The following NCAM2 variants were observed in gnomAD, a reference collection of about 807,000 sequenced individuals.
NCAM2 encodes neural cell adhesion molecule 2.
NCAM2 carries 30 observed loss-of-function variants against 98.1 expected under a neutral mutation model. That is an observed-to-expected ratio of 0.31 (90% CI 0.23 to 0.41). The LOEUF (loss-of-function observed/expected upper bound fraction) is 0.41, where lower values mean the gene tolerates loss of function less well. Ranked by LOEUF, NCAM2 falls within the 10% of genes least tolerant of loss-of-function variation. The pLI is 1.00. For missense variants in NCAM2, 867 were observed against 1,005.8 expected (o/e 0.86, Z 1.87); for synonymous variants, 368 against 342.4 (o/e 1.07, Z -0.83).
At chr21:21,501,445 A>T (rs771985184) in intron 15 of NCAM2, among the ~76,000 whole-genome samples, 8 of 151,996 alleles carry the variant, frequency 5.3e-5, no homozygotes, top group Non-Finnish European at 8.8e-5. Flanking sequence ...AAATTATATA[A>T]GGGAATTTAT....
chr21:21,174,288 G>A (rs928881652), intron 1 of NCAM2, among the ~76,000 whole-genome samples: 2 of 152,082 alleles, frequency 1.3e-5, no homozygotes, highest in African/African-American at 4.8e-5. Context: ...TGTGATAGGA[G>A]TACTAGATTT....
intron 15 of NCAM2, among the ~76,000 whole-genome samples, chr21:21,508,218 T>C (rs1376506693): frequency 6.6e-6 from 1 of 152,190 alleles, no homozygotes; most frequent in Non-Finnish European, 1.5e-5. Flanking sequence ...CTATAAAATG[T>C]TGCCTTTAAT....
intron 1 of NCAM2, among the ~76,000 whole-genome samples, chr21:21,074,376 CATTTA>C (rs774219372): frequency 2.0e-5 from 3 of 151,848 alleles, no homozygotes; most frequent in Admixed American, 6.6e-5. Context: ...TATTGATTAA[CATTTA>C]ATTTATTTTA....
At chr21:21,045,321 G>A (rs769284102) in intron 1 of NCAM2, among the ~76,000 whole-genome samples, 2 of 152,072 alleles carry the variant, frequency 1.3e-5, no homozygotes, top group Admixed American at 6.6e-5. Flanking sequence ...CCTCAAGAAA[G>A]TTGATATGCA....
In NCAM2 at chr21:21,542,279, T is replaced by A. The variant is rs540583773; in HGVS notation, c.*4322T>A. The A allele has an allele frequency of 9.2e-5, 14 of 151,914 alleles. No homozygotes were observed. The highest frequency in any genetic ancestry group is 3.4e-4 in the African/African-American group (14 of 41,550). 9.4% of individuals were successfully genotyped at this position (151,914 alleles called of 1,614,324 possible). A position where few individuals can be genotyped will look rare whatever the true frequency, so the allele number is the denominator to read the frequency against. On this transcript the variant is annotated 3_prime_UTR_variant, in exon 18 of 18. Transcript: ENST00000400546. ...GCAGCTATTTACAATTATACAAGAA[T>A]GCGAATAGATTAATTATATCTTCTC...
intron 15 of NCAM2, among the ~76,000 whole-genome samples, chr21:21,504,911 AAGCATTTATCTT>A (rs1263837994): frequency 2.6e-5 from 4 of 151,996 alleles, no homozygotes; most frequent in Admixed American, 2.0e-4. Context: ...CCATCACCTC[AAGCATTTATCTT>A]TCGTGTTACA....
chr21:21,486,719 G>T (rs1374834725), intron 15 of NCAM2, among the ~76,000 whole-genome samples: 1 of 152,084 alleles, frequency 6.6e-6, no homozygotes, highest in African/African-American at 2.4e-5. Context: ...TTAGTGCAAA[G>T]TTTATTTATC....
Position 21,019,097 on chromosome 21 carries a change from C to A in NCAM2, c.55+20479C>A, listed in dbSNP as rs1178518151. Among the ~76,000 whole-genome samples, 3 of 152,182 alleles carry A rather than the reference C, an allele frequency of 2.0e-5. No homozygotes were observed. In the East Asian group the frequency reaches 5.8e-4, roughly 29 times the overall value. The stretch of plus-strand genomic sequence containing the variant: ...TTAGTGCTGGGGTGAAACACTTTCC[C>A]ATGCACAAGTTGCTGGTGGTTTCCT... On this transcript the variant is annotated intron_variant, in intron 1 of 17. Coordinates refer to ENST00000400546, the MANE Select transcript of NCAM2 (RefSeq NM_004540.5).
chr21:21,166,550 T>C (rs1055800291), intron 1 of NCAM2, among the ~76,000 whole-genome samples: 1 of 152,148 alleles, frequency 6.6e-6, no homozygotes, highest in South Asian at 2.1e-4. Context: ...AGAAGTTGTA[T>C]ACCATCATAT....
At chr21:21,331,380 C>T (rs1032031347) in intron 6 of NCAM2, among the ~76,000 whole-genome samples, 7 of 149,360 alleles carry the variant, frequency 4.7e-5, no homozygotes, top group African/African-American at 1.7e-4. Flanking sequence ...TCAAGAAATC[C>T]TCCTGCCTTG....
intron 9 of NCAM2, among the ~76,000 whole-genome samples, chr21:21,403,332 C>T (rs1195125064): frequency 6.6e-6 from 1 of 152,092 alleles, no homozygotes; most frequent in Non-Finnish European, 1.5e-5. Flanking sequence ...TTGCATCTGC[C>T]TCATCCACTA....
intron 1 of NCAM2, among the ~76,000 whole-genome samples, chr21:21,001,967 TC>T: frequency 6.6e-6 from 1 of 152,210 alleles, no homozygotes; most frequent in Non-Finnish European, 1.5e-5. Flanking sequence ...AGGAGAGAGC[TC>T]CACAAACTCA....
At chr21:21,441,470 T>C (rs150528939) in intron 12 of NCAM2, among the ~76,000 whole-genome samples, 9 of 152,334 alleles carry the variant, frequency 5.9e-5, no homozygotes, top group African/African-American at 1.4e-4. Context: ...CTATTAGTGA[T>C]GCATGCTTTC....
chr21:21,011,156 T>TC (rs1269173060), intron 1 of NCAM2, among the ~76,000 whole-genome samples: 1 of 151,436 alleles, frequency 6.6e-6, no homozygotes, highest in Non-Finnish European at 1.5e-5. Context: ...TCTGCAGGGT[T>TC]TTTTTTTCTT....
intron 1 of NCAM2, among the ~76,000 whole-genome samples, chr21:21,108,924 C>T (rs2066402006): frequency 1.3e-5 from 2 of 152,114 alleles, no homozygotes; most frequent in Admixed American, 1.3e-4. Context: ...TCTCGGGTAT[C>T]ACCATAGGCT....
chr21:21,022,467 G>T (rs1409415414), intron 1 of NCAM2, among the ~76,000 whole-genome samples: 1 of 152,004 alleles, frequency 6.6e-6, no homozygotes, highest in African/African-American at 2.4e-5. Context: ...ATGTTCTATA[G>T]TAGAATTGAT....
rs755939726 is a variant in NCAM2, at chr21:21,410,401, A to G, written c.1323A>G (p.Leu441=). Residue 441 remains leucine, a synonymous_variant, in exon 10 of 18, where the codon TTA becomes TTG. Coordinates refer to ENST00000400546, the MANE Select transcript of NCAM2 (RefSeq NM_004540.5). ...SIHWRRDKLV[L]PAKNTTNLKT... is the part of the protein sequence containing the mutation. Reference sequence around the variant, plus strand: ...ACTGGAGAAGAGATAAATTAGTCTTACCTGCTAAAAACACGACCAATTTAA... The same window carrying G: ...ACTGGAGAAGAGATAAATTAGTCTTGCCTGCTAAAAACACGACCAATTTAA... 35 of 1,600,954 alleles carry G rather than the reference A, an allele frequency of 2.2e-5. No individual in the cohort carries two copies. Among genetic ancestry groups the G allele is most frequent in the Admixed American group, 3.4e-5 (2 of 58,506 alleles).
At chr21:21,138,645 C>A (rs1268227237) in intron 1 of NCAM2, among the ~76,000 whole-genome samples, 1 of 151,992 alleles carries the variant, frequency 6.6e-6, no homozygotes. Context: ...CCATATATAC[C>A]TCCATTATGC....
At chr21:21,209,375 C>G (rs1359612040) in intron 1 of NCAM2, among the ~76,000 whole-genome samples, 1 of 152,098 alleles carries the variant, frequency 6.6e-6, no homozygotes, top group African/African-American at 2.4e-5. Context: ...AACACAATGC[C>G]CAGTTAATTT....
Sources: allele counts gnomAD v4.1 joint callset (sites outside exome capture counted in the v4.1 genomes callset), GRCh38; gene constraint gnomAD v4.1.1; transcripts MANE v1.5; gene names NCBI Gene and HGNC (gene_info 2026-07-23, HGNC 2026-07-21).